PTPRB: variants seen among roughly 807,000 people sequenced by gnomAD.
PTPRB encodes the protein receptor-type tyrosine-protein phosphatase beta.
Under a neutral mutation model 238.1 loss-of-function variants are expected in PTPRB, and 97 were observed. The observed-to-expected ratio is 0.41, with a 90% CI of 0.35 to 0.48. The LOEUF (loss-of-function observed/expected upper bound fraction) is 0.48. PTPRB is among the 20% of genes least tolerant of loss of function. The probability of loss-of-function intolerance (pLI) is 0.30; values close to 1 mark genes in which losing one functional copy is unlikely to be tolerated. For synonymous variants in PTPRB, 970 were observed against 995.4 expected (o/e 0.97, Z 0.48); for missense variants, 2,292 against 2,681.9 (o/e 0.85, Z 3.21).
intron 11 of PTPRB, among the ~76,000 whole-genome samples, chr12:70,573,366 G>T (rs760128099): frequency 1.5e-4 from 23 of 152,128 alleles, no homozygotes; most frequent in Non-Finnish European, 2.8e-4. Flanking sequence ...CTTTGATGTA[G>T]GTTATTGTCA....
At chr12:70,570,013 G>T in intron 13 of PTPRB, 75 bp from the exon 14 acceptor site, 1 of 1,380,274 alleles carries the variant, frequency 7.2e-7, no homozygotes, top group East Asian at 2.5e-5. Flanking sequence ...AGTTTTGAAT[G>T]CTTCTGATGT....
intron 29 of PTPRB, 91 bp from the exon 30 acceptor site, chr12:70,535,046 T>C: frequency 7.0e-7 from 1 of 1,435,692 alleles, no homozygotes. Context: ...CTTCCAAAGT[T>C]AGGAATCTGG....
rs369266489 is a variant in PTPRB, at chr12:70,556,021, T to C, written c.4842A>G (p.Glu1614=). The change falls in exon 19 of 34, where the codon GAA becomes GAG. Residue 1614 remains glutamate, a synonymous_variant. Coordinates refer to ENST00000334414, the MANE Select transcript of PTPRB (RefSeq NM_001109754.4). ...SIECRKMDTQ[E]VEFSRKLEKE... ...TCTCCAGCTTTCTGGAAAACTCAACTTCTTGGGTGTCCATTTTCCGGCATT... is the reference window on the plus strand; with the variant it reads ...TCTCCAGCTTTCTGGAAAACTCAACCTCTTGGGTGTCCATTTTCCGGCATT... The C allele has an allele frequency of 1.2e-6, 2 of 1,613,884 alleles. No individual in the cohort carries two copies. Among genetic ancestry groups the C allele is most frequent in the African/African-American group, 2.7e-5 (2 of 74,924 alleles).
intron 6 of PTPRB, among the ~76,000 whole-genome samples, chr12:70,593,532 A>G (rs1013956691): frequency 2.6e-5 from 4 of 151,416 alleles, no homozygotes; most frequent in African/African-American, 9.7e-5. Flanking sequence ...AAAAAAAAAA[A>G]AAAAAAAAGA....
intron 3 of PTPRB, among the ~76,000 whole-genome samples, chr12:70,616,530 C>T (rs1187345095): frequency 1.3e-5 from 2 of 152,218 alleles, no homozygotes; most frequent in African/African-American, 2.4e-5. Flanking sequence ...ACAATAGGTG[C>T]TGAGGTCCTA....
At chr12:70,558,017 C>T (rs3782374) in intron 18 of PTPRB, among the ~76,000 whole-genome samples, 30,474 of 152,148 alleles carry the variant, frequency 0.2, 3,206 homozygotes, top group South Asian at 0.3. Context: ...GCAACTACTG[C>T]AGCTGGCTGT....
Position 70,559,546 on chromosome 12 carries a change from T to C in PTPRB, c.4511A>G (p.Asp1504Gly), listed in dbSNP as rs766378234. ...SLAITWKGPP[D>G]WTDYNDFELQ... is the part of the protein sequence containing the mutation. ...CTCAAAGTCGTTGTAGTCTGTCCAGTCTGGGGGCCCTTTCCACGTGATGGC... is the reference window on the plus strand; with the variant it reads ...CTCAAAGTCGTTGTAGTCTGTCCAGCCTGGGGGCCCTTTCCACGTGATGGC... Residue 1504 changes from aspartate to glycine, a missense_variant, in exon 18 of 34, where the codon GAC becomes GGC. Asp to Gly is a moderately conservative substitution (Grantham distance 94). Coordinates refer to ENST00000334414, the MANE Select transcript of PTPRB (RefSeq NM_001109754.4). 3 of 1,613,874 alleles carry C rather than the reference T, an allele frequency of 1.9e-6. No individual in the cohort carries two copies. The South Asian group carries it at 3.3e-5, about 18-fold the overall frequency.
intron 23 of PTPRB, chr12:70,540,352 C>G (rs1454477973): frequency 8.3e-6 from 2 of 241,054 alleles, no homozygotes; most frequent in African/African-American, 4.5e-5. Flanking sequence ...TAAAGAGGAA[C>G]ATGTGCCAAA....
chr12:70,531,567 C>G (rs923668375), intron 32 of PTPRB, among the ~76,000 whole-genome samples: 3 of 152,038 alleles, frequency 2.0e-5, no homozygotes, highest in Non-Finnish European at 4.4e-5. Flanking sequence ...TTTGGACCTT[C>G]ATTTTCTAGT....
rs766435636 is a variant in PTPRB at position 70,581,267 on chromosome 12, G to T, written c.2347C>A (p.Gln783Lys). The T allele has an allele frequency of 5.6e-6, 9 of 1,613,718 alleles. No individual in the cohort carries two copies. The highest frequency in any genetic ancestry group is 5.5e-5 in the South Asian group (5 of 91,062). ...AQVTDLHVAN[Q>K]GMTSSLFTNW... ...GTAAACAGACTACTGGTCATTCCTT[G>T]GTTGGCCACATGCAAGTCAGTCACT... is the stretch of plus-strand genomic sequence containing the variant. The change falls in exon 10 of 34, where the codon CAA becomes AAA. Residue 783 changes from glutamine to lysine, a missense_variant. Physicochemically the swap from Gln to Lys is moderately conservative, Grantham distance 53. Coordinates refer to ENST00000334414, the MANE Select transcript of PTPRB (RefSeq NM_001109754.4).
intron 2 of PTPRB, among the ~76,000 whole-genome samples, chr12:70,630,147 A>C (rs1373922796): frequency 1.3e-5 from 2 of 152,190 alleles, no homozygotes; most frequent in Non-Finnish European, 2.9e-5. Flanking sequence ...ATCCCTGATG[A>C]ACATCAATGC....
At position 70,516,787 on chromosome 12, in the gene PTPRB, G is replaced by A. The variant is rs539712385; in HGVS notation, c.*4702C>T. 1 of 152,282 alleles carries A rather than the reference G, an allele frequency of 6.6e-6. No individual in the cohort carries two copies. Among genetic ancestry groups the A allele is most frequent in the East Asian group, 1.9e-4 (1 of 5,180 alleles). 9.4% of individuals were successfully genotyped at this position (152,282 alleles called of 1,614,324 possible). ...ATATAAGATCATGTGAATTGGCATA[G>A]AGGTTATAAAAATAATCTTTGGTAA... On this transcript the variant is annotated 3_prime_UTR_variant, in exon 34 of 34. Transcript: ENST00000334414.
At chr12:70,631,815 A>C (rs2136608896) in intron 2 of PTPRB, among the ~76,000 whole-genome samples, 1 of 152,392 alleles carries the variant, frequency 6.6e-6, no homozygotes, top group Non-Finnish European at 1.5e-5. Flanking sequence ...TGCAGCCAAC[A>C]GACACATGAA....
At chr12:70,533,433 A>G (rs1843380025) in intron 31 of PTPRB, among the ~76,000 whole-genome samples, 1 of 152,232 alleles carries the variant, frequency 6.6e-6, no homozygotes. Context: ...AGTTAGGGCT[A>G]TCAAAATGTT....
chr12:70,518,779 G>A lies in PTPRB; in HGVS notation c.*2710C>T, dbSNP rs921892746. 3.3e-5 allele frequency: 5 copies of A among 151,802 alleles called. No individual in the cohort carries two copies. Among genetic ancestry groups the A allele is most frequent in the African/African-American group, 4.8e-5 (2 of 41,324 alleles). 9.4% of individuals were successfully genotyped at this position (151,802 alleles called of 1,614,324 possible). ...TGAGGTTAAAGGAGTTAATTATAAC[G>A]AACTTGGAAAAATAATTATTAAGAT... On this transcript the variant is annotated 3_prime_UTR_variant, in exon 34 of 34. Transcript: ENST00000334414.
chr12:70,534,354 T>C, intron 31 of PTPRB, 134 bp downstream of exon 31: 1 of 961,864 alleles, frequency 1.0e-6, no homozygotes, highest in East Asian at 2.6e-5. Flanking sequence ...TAAAACCCTC[T>C]GGGGGCGAGG....
Position 70,569,828 on chromosome 12 carries a change from A to G in PTPRB, c.3481T>C (p.Phe1161Leu). Residue 1161 changes from phenylalanine (F) to leucine (L), a missense_variant, in exon 14 of 34, where the codon TTC becomes CTC. This residue lies in a region of PTPRB where 683 missense variants were observed against 862.0 expected (regional missense o/e 0.79). Transcript: ENST00000334414. ...GAGTCAACCTTTTGACTGTGCCTGA[A>G]TGCCGACACCGTGTAGGAATCAACG... The part of the protein sequence containing the change: ...GDVDSYTVSA[F>L]RHSQKVDSQT... 6.2e-7 allele frequency: 1 copy of G among 1,613,996 alleles called. No individual in the cohort carries two copies. The highest frequency in any genetic ancestry group is 8.5e-7 in the Non-Finnish European group (1 of 1,179,892).
intron 11 of PTPRB, among the ~76,000 whole-genome samples, chr12:70,575,858 C>A (rs1880629579): frequency 6.6e-6 from 1 of 152,168 alleles, no homozygotes; most frequent in African/African-American, 2.4e-5. Context: ...TTCACATTTT[C>A]ACCTTGTGTG....
intron 2 of PTPRB, among the ~76,000 whole-genome samples, chr12:70,630,881 G>A (rs969405504): frequency 6.6e-6 from 1 of 152,116 alleles, no homozygotes; most frequent in Non-Finnish European, 1.5e-5. Context: ...GGGATGTGAA[G>A]GACCTCTTCA....
Sources: allele counts gnomAD v4.1 joint callset (sites outside exome capture counted in the v4.1 genomes callset), GRCh38; gene constraint gnomAD v4.1.1; regional missense constraint gnomAD v4.1.1; transcripts MANE v1.5; gene names NCBI Gene and HGNC (gene_info 2026-07-23, HGNC 2026-07-21).